The following LRP1B variants were observed in gnomAD, a reference collection of about 807,000 sequenced individuals.
The protein encoded by LRP1B is LDL receptor related protein 1B.
Under a neutral mutation model 556.6 loss-of-function variants are expected in LRP1B, and 217 were observed. The ratio of observed to expected loss-of-function variants is 0.39; its 90% CI spans 0.35 to 0.44. LRP1B has a LOEUF of 0.44. LRP1B is among the 20% of genes least tolerant of loss of function. LRP1B has a pLI of 1.00. For missense variants in LRP1B, 5,053 were observed against 5,620.8 expected (o/e 0.90, Z 3.23); for synonymous variants, 2,047 against 1,865.8 (o/e 1.10, Z -2.50).
chr2:140,522,933 T>C (rs1287066448), intron 49 of LRP1B, among the ~76,000 whole-genome samples: 10 of 151,946 alleles, frequency 6.6e-5, no homozygotes. Context: ...GGAACAGATA[T>C]ATTCACAGCC....
chr2:141,992,278 G>C (rs1241686446), intron 1 of LRP1B, among the ~76,000 whole-genome samples: 2 of 152,042 alleles, frequency 1.3e-5, no homozygotes, highest in Admixed American at 6.6e-5. Flanking sequence ...TCTCATAATG[G>C]ATGATTTTAA....
intron 43 of LRP1B, among the ~76,000 whole-genome samples, chr2:140,572,304 T>C (rs1681353122): frequency 6.7e-6 from 1 of 150,256 alleles, no homozygotes; most frequent in Admixed American, 6.6e-5. Flanking sequence ...GAAAAAAAAA[T>C]CATTCAATTA....
At chr2:141,478,180 T>A (rs955123763) in intron 3 of LRP1B, among the ~76,000 whole-genome samples, 5 of 152,196 alleles carry the variant, frequency 3.3e-5, no homozygotes, top group African/African-American at 1.2e-4. Flanking sequence ...TCCCCTTTTA[T>A]GCTATTAACA....
chr2:141,470,169 C>T (rs868107091), intron 3 of LRP1B, among the ~76,000 whole-genome samples: 2 of 152,148 alleles, frequency 1.3e-5, no homozygotes, highest in Non-Finnish European at 2.9e-5. Context: ...AGAAATCTCT[C>T]TTTATTTCTT....
intron 3 of LRP1B, among the ~76,000 whole-genome samples, chr2:141,260,065 C>T (rs562128370): frequency 6.6e-5 from 10 of 152,164 alleles, no homozygotes; most frequent in Middle Eastern, 3.4e-3. Flanking sequence ...TGACATGACT[C>T]GGTTGTAGTT....
intron 3 of LRP1B, among the ~76,000 whole-genome samples, chr2:141,421,333 C>T (rs926705218): frequency 6.6e-6 from 1 of 151,846 alleles, no homozygotes; most frequent in South Asian, 2.1e-4. Context: ...TCGAGACCAT[C>T]CCGGCTAAAA....
chr2:140,421,593 G>T (rs1202716275), intron 66 of LRP1B, among the ~76,000 whole-genome samples: 4 of 152,078 alleles, frequency 2.6e-5, no homozygotes, highest in Non-Finnish European at 4.4e-5. Flanking sequence ...CTCCATTGTA[G>T]TATGCAAAAA....
chr2:141,668,347 T>A (rs888702047), intron 2 of LRP1B, among the ~76,000 whole-genome samples: 1 of 152,094 alleles, frequency 6.6e-6, no homozygotes, highest in Admixed American at 6.6e-5. Context: ...TGGGAACAGG[T>A]CCTAAATGGG....
At chr2:140,938,444 T>C (rs554623692) in intron 20 of LRP1B, among the ~76,000 whole-genome samples, 4 of 152,136 alleles carry the variant, frequency 2.6e-5, no homozygotes, top group African/African-American at 9.6e-5. Context: ...GAAATTTCAT[T>C]ACAGTGATCT....
chr2:141,505,330 G>A (rs938032469), intron 2 of LRP1B, among the ~76,000 whole-genome samples: 4 of 152,014 alleles, frequency 2.6e-5, no homozygotes, highest in African/African-American at 9.7e-5. Flanking sequence ...TATCATACCA[G>A]GCCTCTAGGG....
At chr2:140,553,422 A>AACAC (rs61540618) in intron 43 of LRP1B, among the ~76,000 whole-genome samples, 50,542 of 148,060 alleles carry the variant, frequency 0.34, 9,147 homozygotes, top group Non-Finnish European at 0.41. Flanking sequence ...TTGTGCTCTT[A>AACAC]ACACACACAC....
chr2:140,992,868 T>A (rs906196673), intron 16 of LRP1B, among the ~76,000 whole-genome samples: 2 of 152,014 alleles, frequency 1.3e-5, no homozygotes, highest in African/African-American at 4.8e-5. Flanking sequence ...TATTAATGGG[T>A]CTGAAAATAA....
At chr2:140,736,143 G>A (rs947591583) in intron 35 of LRP1B, among the ~76,000 whole-genome samples, 6 of 152,106 alleles carry the variant, frequency 3.9e-5, no homozygotes, top group Admixed American at 2.0e-4. Context: ...TAAAGAGGAT[G>A]AGGGAAGGAA....
chr2:141,440,394 C>CGCCCT (rs1411803738), intron 3 of LRP1B, among the ~76,000 whole-genome samples: 1 of 152,234 alleles, frequency 6.6e-6, no homozygotes, highest in East Asian at 1.9e-4. Context: ...AAAATGGCCA[C>CGCCCT]GCCCTGCCCT....
chr2:140,321,953 G>C lies in LRP1B; in HGVS notation c.12640+10C>G, dbSNP rs201964013. 105 of 1,609,220 alleles carry C rather than the reference G, an allele frequency of 6.5e-5. No homozygotes were observed. Among genetic ancestry groups the C allele is most frequent in the Non-Finnish European group, 8.8e-5 (104 of 1,177,910 alleles). ...AATTCATTATTTACAGAATAATAAA[G>C]TATACCCACCTAACAGGCTGTCATC... On this transcript the variant is annotated intron_variant, in intron 82 of 90. Transcript: ENST00000389484.
chr2:140,374,712 T>A (rs1573861262), intron 68 of LRP1B, among the ~76,000 whole-genome samples: 2 of 152,238 alleles, frequency 1.3e-5, no homozygotes, highest in East Asian at 3.9e-4. Flanking sequence ...ACATCTCATA[T>A]AACTTTATCC....
chr2:140,272,459 A>G (rs1682506746), intron 85 of LRP1B, among the ~76,000 whole-genome samples: 1 of 152,000 alleles, frequency 6.6e-6, no homozygotes, highest in African/African-American at 2.4e-5. Context: ...AGAGAAAAAT[A>G]TGCAATTGGC....
intron 1 of LRP1B, among the ~76,000 whole-genome samples, chr2:141,892,950 T>C (rs569418402): frequency 2.6e-5 from 4 of 152,308 alleles, no homozygotes; most frequent in African/African-American, 9.6e-5. Flanking sequence ...ATAGGTTTTC[T>C]GGTTCATTTG....
In LRP1B at chr2:141,960,305, G is replaced by GC. The variant is rs199876182; in HGVS notation, c.83-149905dup. Among the ~76,000 whole-genome samples the GC allele has an allele frequency of 7.5e-3, 1,139 of 151,876 alleles. 18 individuals are homozygous for GC. The highest frequency in any genetic ancestry group is 0.027 in the African/African-American group (1,102 of 41,490). ...TATCCCTGTTCCTCTGACTCTTGAT[G>GC]CCCCCAGCCACCACACCAGAGACCT... On this transcript the variant is annotated intron_variant, in intron 1 of 90. Transcript: ENST00000389484.
Sources: allele counts gnomAD v4.1 joint callset (sites outside exome capture counted in the v4.1 genomes callset), GRCh38; gene constraint gnomAD v4.1.1; transcripts MANE v1.5; gene names NCBI Gene and HGNC (gene_info 2026-07-23, HGNC 2026-07-21).